MCU: variants seen among roughly 807,000 people sequenced by gnomAD.
The protein encoded by MCU is mitochondrial calcium uniporter.
Under a neutral mutation model 45.2 loss-of-function variants are expected in MCU, and 12 were observed. The ratio of observed to expected loss-of-function variants is 0.27; its 90% CI spans 0.17 to 0.43. MCU has a LOEUF of 0.43. MCU is among the 20% of genes least tolerant of loss of function. The pLI is 1.00. For missense variants in MCU, 324 were observed against 436.7 expected, an observed-to-expected ratio of 0.74 and a Z score of 2.30; for synonymous variants, 160 against 165.1, an observed-to-expected ratio of 0.97 and a Z score of 0.24.
chr10:72,837,102 C>T (rs1844966173), intron 2 of MCU, among the ~76,000 whole-genome samples: 1 of 151,768 alleles, frequency 6.6e-6, no homozygotes, highest in Non-Finnish European at 1.5e-5. Flanking sequence ...TGTTAGTTGA[C>T]GAATCTGGTT....
chr10:72,837,961 A>T (rs1198027554), intron 2 of MCU, among the ~76,000 whole-genome samples: 3 of 148,298 alleles, frequency 2.0e-5, no homozygotes, highest in Non-Finnish European at 4.4e-5. Context: ...GGTTCAAGTG[A>T]TTCTCCTGCC....
chr10:72,793,746 C>A (rs1426627229), intron 1 of MCU, among the ~76,000 whole-genome samples: 1 of 152,082 alleles, frequency 6.6e-6, no homozygotes, highest in Non-Finnish European at 1.5e-5. Flanking sequence ...GATTTCCTAA[C>A]TGCATGGTGG....
At chr10:72,878,119 T>TA (rs1416479433) in intron 6 of MCU, among the ~76,000 whole-genome samples, 1 of 137,046 alleles carries the variant, frequency 7.3e-6, no homozygotes, top group Non-Finnish European at 1.6e-5. Flanking sequence ...TGCTTTTTTT[T>TA]TTTTTTTTTT....
At chr10:72,766,008 A>G (rs939326026) in intron 1 of MCU, among the ~76,000 whole-genome samples, 1 of 152,040 alleles carries the variant, frequency 6.6e-6, no homozygotes, top group African/African-American at 2.4e-5. Context: ...CTGGGACTAC[A>G]GGCATGTGCC....
intron 7 of MCU, 64 bp from the exon 8 acceptor site, chr10:72,885,681 G>C (rs1387710515): frequency 9.9e-7 from 1 of 1,005,662 alleles, no homozygotes; most frequent in Non-Finnish European, 1.6e-6. Context: ...TCCTTTTCTT[G>C]GTAGACAGTA....
At chr10:72,783,640 G>C (rs1041846278) in intron 1 of MCU, among the ~76,000 whole-genome samples, 3 of 152,186 alleles carry the variant, frequency 2.0e-5, no homozygotes, top group Admixed American at 1.3e-4. Context: ...GATTTTGTTG[G>C]GGGGAGCTGT....
intron 1 of MCU, among the ~76,000 whole-genome samples, chr10:72,775,267 A>C (rs1213221199): frequency 1.3e-5 from 2 of 152,170 alleles, no homozygotes; most frequent in Admixed American, 6.5e-5. Context: ...AAACACATGG[A>C]AATTAAACAA....
intron 1 of MCU, among the ~76,000 whole-genome samples, chr10:72,822,958 G>T (rs148624824): frequency 2.0e-5 from 3 of 152,132 alleles, no homozygotes; most frequent in African/African-American, 7.2e-5. Flanking sequence ...CTCGTATGGC[G>T]ATTCCTCACA....
chr10:72,825,009 A>G (rs571367070), intron 1 of MCU, among the ~76,000 whole-genome samples: 21 of 152,294 alleles, frequency 1.4e-4, no homozygotes, highest in Non-Finnish European at 2.1e-4. Context: ...CAAGGTCAAA[A>G]TACAGTAGCA....
chr10:72,737,450 G>A (rs1171275176), intron 1 of MCU, among the ~76,000 whole-genome samples: 1 of 152,124 alleles, frequency 6.6e-6, no homozygotes, highest in African/African-American at 2.4e-5. Flanking sequence ...GTAAAGAGAG[G>A]GGGTAAGGGA....
chr10:72,858,824 C>T (rs1589499862), intron 2 of MCU, among the ~76,000 whole-genome samples: 1 of 152,174 alleles, frequency 6.6e-6, no homozygotes, highest in African/African-American at 2.4e-5. Context: ...AAGTCTAGCC[C>T]AGCAATCTCT....
At chr10:72,698,629 C>T (rs987984858) in intron 1 of MCU, among the ~76,000 whole-genome samples, 3 of 152,064 alleles carry the variant, frequency 2.0e-5, no homozygotes, top group Non-Finnish European at 4.4e-5. Context: ...CTTAGCCTCC[C>T]GAGTAGATGG....
chr10:72,846,363 G>A (rs186851879), intron 2 of MCU, among the ~76,000 whole-genome samples: 1 of 152,270 alleles, frequency 6.6e-6, no homozygotes, highest in African/African-American at 2.4e-5. Context: ...GTTTTAAATT[G>A]TATGCTATTC....
intron 1 of MCU, among the ~76,000 whole-genome samples, chr10:72,811,896 T>G (rs1472636231): frequency 6.6e-6 from 1 of 152,204 alleles, no homozygotes; most frequent in African/African-American, 2.4e-5. Flanking sequence ...GTCTTTTCCT[T>G]TATTACAGAT....
intron 1 of MCU, among the ~76,000 whole-genome samples, chr10:72,747,300 A>G (rs1339457501): frequency 6.6e-6 from 1 of 152,250 alleles, no homozygotes; most frequent in Non-Finnish European, 1.5e-5. Flanking sequence ...TGGAGGATTA[A>G]GAATATATTC....
At chr10:72,760,927 T>C (rs1411018429) in intron 1 of MCU, among the ~76,000 whole-genome samples, 3 of 152,086 alleles carry the variant, frequency 2.0e-5, no homozygotes, top group Non-Finnish European at 4.4e-5. Context: ...ATGATAGGGC[T>C]GAAATTCAAA....
chr10:72,737,582 C>T (rs937849811), intron 1 of MCU, among the ~76,000 whole-genome samples: 6 of 150,030 alleles, frequency 4.0e-5, no homozygotes, highest in Non-Finnish European at 8.9e-5. Context: ...TGACATGGTG[C>T]GATCTCAGCT....
chr10:72,840,449 A>G (rs1215971219), intron 2 of MCU, among the ~76,000 whole-genome samples: 1 of 152,212 alleles, frequency 6.6e-6, no homozygotes, highest in Non-Finnish European at 1.5e-5. Flanking sequence ...AGTTTTAAAA[A>G]TAGTTTGGAG....
At chr10:72,871,885 G>T (rs1320124786) in intron 6 of MCU, among the ~76,000 whole-genome samples, 1 of 152,230 alleles carries the variant, frequency 6.6e-6, no homozygotes, top group East Asian at 1.9e-4. Flanking sequence ...GGAGCAGAAT[G>T]ATCAGCTGTA....
Sources: allele counts gnomAD v4.1 joint callset (sites outside exome capture counted in the v4.1 genomes callset), GRCh38; gene constraint gnomAD v4.1.1; transcripts MANE v1.5; gene names NCBI Gene and HGNC (gene_info 2026-07-23, HGNC 2026-07-21).